Variants in B3GNT3 observed in about 807,000 individuals in gnomAD.
B3GNT3 encodes N-acetyllactosaminide beta-1,3-N-acetylglucosaminyltransferase 3.
B3GNT3 carries 7 observed loss-of-function variants against 11.6 expected under a neutral mutation model. That is an observed-to-expected ratio of 0.60 (90% confidence interval 0.34 to 1.13). B3GNT3 has a LOEUF of 1.13. Among genes scored for constraint, B3GNT3 ranks in the 50% most tolerant of loss-of-function variants. The pLI is 0.03. For synonymous variants in B3GNT3, 201 were observed against 222.1 expected (o/e 0.90, Z 0.85); for missense variants, 400 against 507.4 (o/e 0.79, Z 2.03).
chr19:17,807,479 A>G (rs40623), intron 1 of B3GNT3, among the ~76,000 whole-genome samples: 97,349 of 146,500 alleles, frequency 0.66, 33,367 homozygotes, highest in African/African-American at 0.78. Flanking sequence ...GCAACAGAAC[A>G]AGAGAGAGAG....
chr19:17,807,940 G>A lies in B3GNT3; in HGVS notation c.133G>A (p.Glu45Lys), dbSNP rs571864863. The A allele has an allele frequency of 7.4e-6, 12 of 1,613,230 alleles. No individual in the cohort carries two copies. Among genetic ancestry groups the A allele is most frequent in the Non-Finnish European group, 1.0e-5 (12 of 1,179,840 alleles). The stretch of plus-strand genomic sequence containing the variant: ...CCAGGAGCAGCCACCGGCGATCCCC[G>A]AGGCCCTGGCCTGGCCCACTCCACC... Reference protein sequence around the residue: ...KVQEQPPAIPEALAWPTPPTR... With the variant: ...KVQEQPPAIPKALAWPTPPTR... Residue 45 changes from glutamate to lysine, a missense_variant, in exon 2 of 3, where the codon GAG (glutamate) becomes AAG (lysine). Glu to Lys is a moderately conservative substitution (Grantham distance 56). Coordinates refer to ENST00000318683, the MANE Select transcript of B3GNT3 (RefSeq NM_014256.4).
intron 1 of B3GNT3, among the ~76,000 whole-genome samples, chr19:17,798,545 C>T (rs1381665038): frequency 3.3e-5 from 5 of 152,116 alleles, no homozygotes; most frequent in Non-Finnish European, 7.4e-5. Flanking sequence ...GTAACGCACA[C>T]CTGTAATCCC....
At chr19:17,802,048 A>G (rs1214272602) in intron 1 of B3GNT3, among the ~76,000 whole-genome samples, 1 of 151,308 alleles carries the variant, frequency 6.6e-6, no homozygotes, top group Non-Finnish European at 1.5e-5. Flanking sequence ...AGATCATGCC[A>G]TTGCACTCCA....
intron 1 of B3GNT3, among the ~76,000 whole-genome samples, chr19:17,804,240 C>T (rs111346058): frequency 2.3e-3 from 258 of 111,806 alleles, no homozygotes; most frequent in African/African-American, 3.1e-3. Context: ...TCTTTTTTTT[C>T]TTTTTTTTTT....
At position 17,811,704 on chromosome 19, in the gene B3GNT3, T is replaced by G; in HGVS notation, c.701T>G (p.Phe234Cys). 1 of 1,614,220 alleles carries G rather than the reference T, an allele frequency of 6.2e-7. No individual in the cohort carries two copies. The change falls in exon 3 of 3, where the codon TTC becomes TGC. Residue 234 changes from phenylalanine (F) to cysteine (C), a missense_variant. By Grantham distance (205) the Phe-to-Cys change is radical. Coordinates refer to ENST00000318683, the MANE Select transcript of B3GNT3 (RefSeq NM_014256.4). This position sits in a 1 kb window ranked among gnomAD's most constrained non-coding sequence, Gnocchi z 4.1. ...LQDHDPGRHL[F>C]VGQLIQNVGP... ...GACCATGACCCTGGCCGCCACCTCT[T>G]CGTGGGGCAACTGATCCAAAACGTG...
rs543188098 is a variant in B3GNT3, at chr19:17,806,503, G to C, written c.-50-1255G>C. On this transcript the variant is annotated intron_variant, in intron 1 of 2. Transcript: ENST00000318683. ...TATTCACCTGTCTGTGCCCCAGGTG[G>C]CCGAGAGTTGGCCAGGTTCTCTTTG... Among the ~76,000 whole-genome samples the C allele has an allele frequency of 1.2e-4, 18 of 152,254 alleles. No individual in the cohort carries two copies. The South Asian group carries it at 1.2e-3, about 11-fold the overall frequency.
intron 1 of B3GNT3, among the ~76,000 whole-genome samples, chr19:17,804,623 C>T (rs962545686): frequency 2.7e-5 from 4 of 148,692 alleles, no homozygotes; most frequent in African/African-American, 5.0e-5. Context: ...CTGCAACCTC[C>T]GCCTCCTGGG....
In B3GNT3 at chr19:17,813,199, G is replaced by A. The variant is rs1049290694; in HGVS notation, c.*1077G>A. 3 of 151,860 alleles carry A rather than the reference G, an allele frequency of 2.0e-5. No individual in the cohort carries two copies. The highest frequency in any genetic ancestry group is 4.4e-5 in the Non-Finnish European group (3 of 67,966). The allele number at this position is 151,860 out of a possible 1,614,324, so 9.4% of individuals were successfully genotyped here. The stretch of plus-strand genomic sequence containing the variant: ...ACTGGTAAAAACGGGGCATGGGGCC[G>A]TGGCTCAGGGCTGTAATTCTAGCAC... On this transcript the variant is annotated 3_prime_UTR_variant, in exon 3 of 3. Coordinates refer to ENST00000318683, the MANE Select transcript of B3GNT3 (RefSeq NM_014256.4).
intron 1 of B3GNT3, among the ~76,000 whole-genome samples, chr19:17,804,711 AT>A (rs1418234311): frequency 6.7e-6 from 1 of 149,638 alleles, no homozygotes; most frequent in Non-Finnish European, 1.5e-5. Context: ...CGCCCTGCTA[AT>A]TTTTGTATCT....
intron 1 of B3GNT3, among the ~76,000 whole-genome samples, chr19:17,802,053 A>C (rs1037921788): frequency 6.6e-6 from 1 of 150,550 alleles, no homozygotes; most frequent in Non-Finnish European, 1.5e-5. Flanking sequence ...ATGCCATTGC[A>C]CTCCAGCCTG....
chr19:17,796,953 G>GAA lies in B3GNT3; in HGVS notation c.-51+1747_-51+1748insAA, dbSNP rs528914877. On this transcript the variant is annotated intron_variant, in intron 1 of 2. Coordinates refer to ENST00000318683, the MANE Select transcript of B3GNT3 (RefSeq NM_014256.4). ...CCTATTGTGGACCCTCTTCCTGGTG[G>GAA]GAATCTGGCTTGCCTTGATTGCTCC... Among the ~76,000 whole-genome samples the GAA allele has an allele frequency of 2.6e-5, 4 of 152,264 alleles. No individual in the cohort carries two copies. In the East Asian group the frequency reaches 7.7e-4, roughly 29 times the overall value.
chr19:17,803,683 CAT>C (rs1568390583), intron 1 of B3GNT3, among the ~76,000 whole-genome samples: 1 of 151,880 alleles, frequency 6.6e-6, no homozygotes, highest in Non-Finnish European at 1.5e-5. Flanking sequence ...ATGCAGGGAA[CAT>C]ATGACAATTG....
At chr19:17,803,568 A>G (rs977914021) in intron 1 of B3GNT3, among the ~76,000 whole-genome samples, 3 of 152,208 alleles carry the variant, frequency 2.0e-5, no homozygotes, top group African/African-American at 7.2e-5. Flanking sequence ...AGGGTCCCCA[A>G]GAGTCAGCCT....
At position 17,812,123 on chromosome 19, in the gene B3GNT3, G is replaced by A. The variant is rs771868360; in HGVS notation, c.*1G>A. The A allele has an allele frequency of 6.3e-7, 1 of 1,585,548 alleles. No individual in the cohort carries two copies. The highest frequency in any genetic ancestry group is 8.5e-7 in the Non-Finnish European group (1 of 1,172,550). On this transcript the variant is annotated 3_prime_UTR_variant, in exon 3 of 3. Coordinates refer to ENST00000318683, the MANE Select transcript of B3GNT3 (RefSeq NM_014256.4). ...CGGCAATCAGACACAGATCTACTGA[G>A]TCAGCATCAGGGTCCCCAGCCTCTG...
chr19:17,811,807 TG>T lies in B3GNT3; in HGVS notation c.809del (p.Gly270ValfsTer40). On this transcript the variant is annotated frameshift_variant, in exon 3 of 3. Transcript: ENST00000318683. LOFTEE classifies it low-confidence loss of function (END_TRUNC). This position sits in a 1 kb window ranked among gnomAD's most constrained non-coding sequence, Gnocchi z 4.1. ...AGAATGAGCGGTACCCACCCTATTG[TG>T]GGGGTGGTGGCTTCTTGCTGTCCCG... is the stretch of plus-strand genomic sequence containing the variant. Reference protein sequence around the residue: ...TQNERYPPYCGGGGFLLSRFT... With the variant: ...TQNERYPPYCXGGGFLLSRFT... 6.2e-7 allele frequency: 1 copy of T among 1,614,236 alleles called. No individual in the cohort carries two copies. The highest frequency in any genetic ancestry group is 8.5e-7 in the Non-Finnish European group (1 of 1,180,044).
At chr19:17,805,982 T>A (rs1476251109) in intron 1 of B3GNT3, among the ~76,000 whole-genome samples, 1 of 151,820 alleles carries the variant, frequency 6.6e-6, no homozygotes, top group African/African-American at 2.4e-5. Context: ...TTTTGTTTTG[T>A]TTTGAGACAG....
rs2147653506 is a variant in B3GNT3, at chr19:17,808,365, G to A, written c.558G>A (p.Thr186=). 1 of 1,603,452 alleles carries A rather than the reference G, an allele frequency of 6.2e-7. No homozygotes were observed. Among genetic ancestry groups the A allele is most frequent in the Non-Finnish European group, 8.5e-7 (1 of 1,173,294 alleles). ...WDFHDSFFNL[T]LKQVLFLQWQ... ...TCCACGACTCCTTCTTCAACCTCAC[G>A]CTCAAGCAGGTGCGCTGGACTGGGG... Residue 186 remains threonine, a synonymous_variant, in exon 2 of 3, where the codon ACG becomes ACA. Coordinates refer to ENST00000318683, the MANE Select transcript of B3GNT3 (RefSeq NM_014256.4).
chr19:17,799,864 C>T (rs2094163966), intron 1 of B3GNT3, among the ~76,000 whole-genome samples: 1 of 152,018 alleles, frequency 6.6e-6, no homozygotes, highest in Admixed American at 6.6e-5. Context: ...CCTCAGTTTC[C>T]TCATCTGGAA....
chr19:17,808,405 C>A (rs1308351761), intron 2 of B3GNT3, 31 bp downstream of exon 2: 2 of 1,557,676 alleles, frequency 1.3e-6, no homozygotes, highest in Non-Finnish European at 1.7e-6. Flanking sequence ...CTGATCGGGG[C>A]CACCTGTCCT....
Sources: gnomAD v4.1 joint callset for allele counts (sites outside exome capture counted in the v4.1 genomes callset) on GRCh38, gnomAD v4.1.1 for gene constraint, Gnocchi (gnomAD v3.1) non-coding constraint, MANE v1.5 for transcripts, NCBI Gene and HGNC (gene_info 2026-07-23, HGNC 2026-07-21) for gene names.